The following DMD variants were observed in gnomAD, a reference collection of about 807,000 sequenced individuals.
The protein encoded by DMD is dystrophin, also known as mutant dystrophin.
In DMD, 63 loss-of-function variants were observed where a neutral mutation model predicts 330.1. The ratio of observed to expected loss-of-function variants is 0.19; its 90% CI spans 0.16 to 0.24. The LOEUF is 0.24. Ranked by LOEUF, DMD falls within the 10% of genes least tolerant of loss-of-function variation. DMD has a pLI of 1.00. For synonymous variants in DMD, 1,223 were observed against 959.8 expected (o/e 1.27, Z -5.07); for missense variants, 3,344 against 2,684.1 (o/e 1.25, Z -5.43).
chrX:32,554,883 A>C (rs1426658447), intron 16 of DMD, among the ~76,000 whole-genome samples: 2 of 13,449 alleles, frequency 1.5e-4, no homozygotes, highest in Admixed American at 1.0e-3. Context: ...GGAAAGAAGA[A>C]AGAAAGAAAG....
At chrX:33,246,795 C>T (rs1199814429) in intron 1 of DMD, among the ~76,000 whole-genome samples, 1 of 110,583 alleles carries the variant, frequency 9.0e-6, no homozygotes, top group Non-Finnish European at 1.9e-5. Flanking sequence ...AAGAGACTCT[C>T]CTGCCTCAGC....
intron 60 of DMD, among the ~76,000 whole-genome samples, chrX:31,440,858 T>C (rs975302785): frequency 5.3e-5 from 6 of 112,508 alleles, no homozygotes; most frequent in African/African-American, 1.9e-4. Context: ...ACATTTCTAT[T>C]AGAAGATTCA....
At chrX:32,540,892 T>G (rs1362384068) in intron 17 of DMD, among the ~76,000 whole-genome samples, 1 of 111,506 alleles carries the variant, frequency 9.0e-6, no homozygotes, top group African/African-American at 3.3e-5. Context: ...TTTGGAGGTA[T>G]CTGGATTTAT....
chrX:33,287,595 G>A (rs2053452281), intron 1 of DMD, among the ~76,000 whole-genome samples: 1 of 111,310 alleles, frequency 9.0e-6, no homozygotes, highest in African/African-American at 3.3e-5. Flanking sequence ...ACCCATACTA[G>A]CTGCTTAAGA....
At position 32,870,980 on chromosome X, in the gene DMD, A is replaced by AAAAAAAAAAAG. The variant is rs770375159; in HGVS notation, c.94-21161_94-21160insCTTTTTTTTTT. 1.5e-3 allele frequency among the ~76,000 whole-genome samples: 54 copies of AAAAAAAAAAAG among 37,226 alleles called. 1 individual carries two copies. The highest frequency in any genetic ancestry group is 2.8e-3 in the African/African-American group (30 of 10,605). The allele number at this position is 37,226 out of a possible 115,157, so 32.3% of individuals were successfully genotyped here. ...CAGCAAAAAAAAAAAAAAAAAAAAAAAAAAAAAACCACAAAACCCATCATC... is the reference window on the plus strand; with the variant it reads ...CAGCAAAAAAAAAAAAAAAAAAAAAAAAAAAAAAAAGAAAAAAAACCACAAAACCCATCATC... On this transcript the variant is annotated intron_variant, in intron 2 of 78. Transcript: ENST00000357033.
At chrX:32,826,510 C>T (rs1002454732) in intron 4 of DMD, among the ~76,000 whole-genome samples, 3 of 111,351 alleles carry the variant, frequency 2.7e-5, no homozygotes, top group African/African-American at 9.8e-5. Flanking sequence ...TGGAATACTA[C>T]TCGGACTTAA....
chrX:32,235,706 AC>A (rs2148016765), intron 43 of DMD, among the ~76,000 whole-genome samples: 1 of 111,498 alleles, frequency 9.0e-6, no homozygotes, highest in Admixed American at 9.5e-5. Flanking sequence ...AGTATCATGT[AC>A]AAAAGGTAAA....
Position 31,172,352 on chromosome X carries a change from T to C in DMD, c.10390A>G (p.Ser3464Gly). The C allele has an allele frequency of 1.7e-6, 2 of 1,177,045 alleles. No individual in the cohort carries two copies. The highest frequency in any genetic ancestry group is 2.3e-6 in the Non-Finnish European group (2 of 864,212). Reference sequence around the variant, plus strand: ...AAAAAGAGATGGGATACTTACATGCTCTCATTAGGAGAGATGCTATCATTT... The same window carrying C: ...AAAAAGAGATGGGATACTTACATGCCCTCATTAGGAGAGATGCTATCATTT... The part of the protein sequence containing the change: ...YLNDSISPNE[S>G]IDDEHLLIQH... Residue 3464 changes from serine (S) to glycine (G), a missense_variant, in exon 73 of 79, where the codon AGC becomes GGC. Transcript: ENST00000357033.
chrX:31,962,502 T>A (rs2095315692), intron 45 of DMD, among the ~76,000 whole-genome samples: 1 of 111,841 alleles, frequency 8.9e-6, no homozygotes, highest in South Asian at 3.7e-4. Context: ...TCCCAGGTGA[T>A]GTCTGTGCTC....
At chrX:31,780,099 G>C (rs765347349) in intron 50 of DMD, among the ~76,000 whole-genome samples, 29 of 111,544 alleles carry the variant, frequency 2.6e-4, no homozygotes, top group Non-Finnish European at 4.3e-4. Flanking sequence ...TGATTAGTCA[G>C]ACTAACAGCT....
intron 44 of DMD, among the ~76,000 whole-genome samples, chrX:32,065,685 G>T (rs958661128): frequency 1.8e-5 from 2 of 111,821 alleles, no homozygotes; most frequent in African/African-American, 6.5e-5. Flanking sequence ...CATGAAAAGT[G>T]CTAAACATCT....
intron 23 of DMD, among the ~76,000 whole-genome samples, chrX:32,466,063 T>C (rs1336992527): frequency 9.0e-6 from 1 of 111,166 alleles, no homozygotes; most frequent in African/African-American, 3.3e-5. Context: ...CTTTAACCAA[T>C]AGCAGTTTTT....
rs968824521 is a variant in DMD at position 32,939,012 on chromosome X, G to A, written c.93+81127C>T. ...TCATCATGTGCCTAGCACAAATAGAGGTCTAATTATAGGGGATTTTACGTT... is the reference window on the plus strand; with the variant it reads ...TCATCATGTGCCTAGCACAAATAGAAGTCTAATTATAGGGGATTTTACGTT... On this transcript the variant is annotated intron_variant, in intron 2 of 78. Transcript: ENST00000357033. Among the ~76,000 whole-genome samples the A allele has an allele frequency of 7.3e-5, 8 of 109,917 alleles. No individual in the cohort carries two copies. The East Asian group carries it at 2.3e-3, about 31-fold the overall frequency.
intron 29 of DMD, among the ~76,000 whole-genome samples, chrX:32,437,527 C>T (rs2098266320): frequency 9.0e-6 from 1 of 111,710 alleles, no homozygotes; most frequent in South Asian, 3.7e-4. Context: ...CTTGCACATT[C>T]TAGGAAATCA....
upstream of DMD, among the ~76,000 whole-genome samples, chrX:33,215,969 T>C (rs2052046197): frequency 8.9e-6 from 1 of 112,025 alleles, no homozygotes; most frequent in Non-Finnish European, 1.9e-5. Flanking sequence ...GCCTCTTGCT[T>C]TATTCTTTTA....
chrX:32,335,576 A>G (rs1307175177), intron 41 of DMD, among the ~76,000 whole-genome samples: 2 of 44,456 alleles, frequency 4.5e-5, no homozygotes, highest in African/African-American at 1.5e-4. Flanking sequence ...CATGTTATAT[A>G]CATAACATGT....
intron 17 of DMD, among the ~76,000 whole-genome samples, chrX:32,534,607 A>G (rs180785313): frequency 3.8e-4 from 42 of 111,454 alleles, no homozygotes; most frequent in African/African-American, 1.3e-3. Flanking sequence ...ACTCAGTTGC[A>G]GGTATTTCTT....
chrX:32,686,163 T>C (rs2062845367), intron 9 of DMD, among the ~76,000 whole-genome samples: 1 of 111,766 alleles, frequency 8.9e-6, no homozygotes, highest in Non-Finnish European at 1.9e-5. Flanking sequence ...CTGATATTAT[T>C]TGTAGATAAA....
chrX:32,823,462 C>T (rs1777793805), intron 4 of DMD, 75 bp from the exon 5 acceptor site: 15 of 717,114 alleles, frequency 2.1e-5, no homozygotes, highest in Admixed American at 6.9e-5. Flanking sequence ...ATAATAAAAA[C>T]GTGAAGGTAA....
Sources: gnomAD v4.1 joint callset for allele counts (sites outside exome capture counted in the v4.1 genomes callset) on GRCh38, gnomAD v4.1.1 for gene constraint, MANE v1.5 for transcripts, NCBI Gene and HGNC (gene_info 2026-07-23, HGNC 2026-07-21) for gene names.